The following BMP8A variants were observed in gnomAD, a reference collection of about 807,000 sequenced individuals.
The protein encoded by BMP8A is bone morphogenetic protein 8a, also known as BMP-8A.
Under a neutral mutation model 36.8 loss-of-function variants are expected in BMP8A, and 14 were observed. The ratio of observed to expected loss-of-function variants is 0.38; its 90% confidence interval spans 0.25 to 0.60. The LOEUF (loss-of-function observed/expected upper bound fraction) is 0.60, where lower values mean the gene tolerates loss of function less well. BMP8A is among the 20% of genes least tolerant of loss of function. The probability of loss-of-function intolerance (pLI) is 0.63; values close to 1 mark genes in which losing one functional copy is unlikely to be tolerated. For synonymous variants in BMP8A, 120 were observed against 237.7 expected (o/e 0.50, Z 4.55); for missense variants, 267 against 551.1 (o/e 0.48, Z 5.16).
chr1:39,525,726 C>T lies in BMP8A; in HGVS notation c.1137C>T (p.Tyr379=), dbSNP rs761837027. The T allele has an allele frequency of 3.9e-5, 63 of 1,614,210 alleles. No homozygotes were observed. The highest frequency in any genetic ancestry group is 5.3e-5 in the Non-Finnish European group (62 of 1,180,030). Residue 379 remains tyrosine, a synonymous_variant, in exon 7 of 7, where the codon TAC becomes TAT. Coordinates refer to ENST00000331593, the MANE Select transcript of BMP8A (RefSeq NM_181809.4). ...AGCTGAGCGCCACCTCTGTGCTCTA[C>T]TATGACAGCAGCAACAACGTCATCC... is the stretch of plus-strand genomic sequence containing the variant. ...PTKLSATSVL[Y]YDSSNNVILR... is the part of the protein sequence containing the mutation.
chr1:39,517,638 A>G (rs1484190727), intron 3 of BMP8A, among the ~76,000 whole-genome samples: 7 of 152,138 alleles, frequency 4.6e-5, no homozygotes, highest in African/African-American at 1.7e-4. Context: ...TTTATCCGTT[A>G]TCTGGTATTT....
intron 4 of BMP8A, 170 bp from the exon 5 acceptor site, chr1:39,522,233 G>C (rs1470147454): frequency 3.1e-6 from 2 of 650,260 alleles, no homozygotes; most frequent in Non-Finnish European, 5.1e-6. Flanking sequence ...TTTTGAGCTG[G>C]GTCATGGTAC....
intron 1 of BMP8A, among the ~76,000 whole-genome samples, chr1:39,499,527 G>A (rs1033464433): frequency 1.3e-5 from 2 of 152,242 alleles, no homozygotes; most frequent in African/African-American, 4.8e-5. Flanking sequence ...CACAAAAATA[G>A]CCAGAGCCCT....
chr1:39,516,133 G>A (rs1023809623), intron 3 of BMP8A: 2 of 630,694 alleles, frequency 3.2e-6, no homozygotes, highest in Admixed American at 4.3e-5. Flanking sequence ...TTGGAGCCAT[G>A]CAGGTTTCCA....
At chr1:39,500,035 A>G (rs1286195821) in intron 1 of BMP8A, among the ~76,000 whole-genome samples, 1 of 152,142 alleles carries the variant, frequency 6.6e-6, no homozygotes, top group African/African-American at 2.4e-5. Context: ...GAGAAACAGG[A>G]TTTCTTGGAG....
At chr1:39,500,160 C>T (rs1645241078) in intron 1 of BMP8A, among the ~76,000 whole-genome samples, 1 of 152,220 alleles carries the variant, frequency 6.6e-6, no homozygotes, top group African/African-American at 2.4e-5. Context: ...GCCTTTGTAT[C>T]CACTGTTCCC....
At position 39,525,709 on chromosome 1, in the gene BMP8A, G is replaced by T. The variant is rs374194162; in HGVS notation, c.1120G>T (p.Ala374Ser). 1 of 1,614,156 alleles carries T rather than the reference G, an allele frequency of 6.2e-7. No individual in the cohort carries two copies. The highest frequency in any genetic ancestry group is 1.1e-5 in the South Asian group (1 of 91,090). Residue 374 changes from alanine (A) to serine (S), a missense_variant, in exon 7 of 7, where the codon GCC becomes TCC. This residue lies in a region of BMP8A where 132 missense variants were observed against 151.3 expected (regional missense o/e 0.87). Coordinates refer to ENST00000331593, the MANE Select transcript of BMP8A (RefSeq NM_181809.4). Reference protein sequence around the residue: ...KACCAPTKLSATSVLYYDSSN... With the variant: ...KACCAPTKLSSTSVLYYDSSN... ...GTGCTGTGCACCCACCAAGCTGAGC[G>T]CCACCTCTGTGCTCTACTATGACAG...
At chr1:39,494,933 A>G (rs1286497595) in intron 1 of BMP8A, among the ~76,000 whole-genome samples, 1 of 146,576 alleles carries the variant, frequency 6.8e-6, no homozygotes, top group Non-Finnish European at 1.5e-5. Context: ...GCTGTCAGAA[A>G]GGCCTTCTTT....
rs770664429 is a variant in BMP8A at position 39,492,325 on chromosome 1, G to C, written c.334G>C (p.Val112Leu). The change falls in exon 1 of 7, where the codon GTG (valine) becomes CTG (leucine). Residue 112 changes from valine (V) to leucine (L), a missense_variant and splice_region_variant. This residue lies in a region of BMP8A where 37 missense variants were observed against 39.5 expected (regional missense o/e 0.94). Transcript: ENST00000331593. ...CCTGGTCATGAGCTTCGTCAACATG[G>C]GTGAGTGCGGCCGCCCGCGCGGGGA... ...ADLVMSFVNM[V>L]ERDRALGHQE... The C allele has an allele frequency of 1.7e-5, 26 of 1,552,994 alleles. No homozygotes were observed. Among genetic ancestry groups the C allele is most frequent in the Non-Finnish European group, 2.2e-5 (26 of 1,161,566 alleles).
At chr1:39,514,989 G>A (rs1388181369) in intron 3 of BMP8A, 4 of 1,529,430 alleles carry the variant, frequency 2.6e-6, no homozygotes, top group Non-Finnish European at 3.5e-6. Context: ...GTCAGTGCTC[G>A]GGCGCGGGGT....
intron 5 of BMP8A, 51 bp from the exon 6 acceptor site, chr1:39,522,956 G>A: frequency 1.3e-6 from 2 of 1,499,564 alleles, no homozygotes; most frequent in Non-Finnish European, 1.8e-6. Context: ...TGGGCCCTGA[G>A]GCTCAGGGAG....
At chr1:39,510,945 G>A (rs561439917) in intron 1 of BMP8A, among the ~76,000 whole-genome samples, 2 of 152,194 alleles carry the variant, frequency 1.3e-5, no homozygotes, top group Non-Finnish European at 2.9e-5. Flanking sequence ...CACCAGCCAG[G>A]TGCAGGGCTC....
intron 1 of BMP8A, among the ~76,000 whole-genome samples, chr1:39,494,864 G>A (rs783808): frequency 0.05 from 7,635 of 152,218 alleles, 542 homozygotes; most frequent in African/African-American, 0.16. Flanking sequence ...CTCCAGCGCC[G>A]TGGGATTAAC....
chr1:39,527,844 C>G lies in BMP8A; in HGVS notation c.*2046C>G, dbSNP rs1306708964. On this transcript the variant is annotated 3_prime_UTR_variant, in exon 7 of 7. Coordinates refer to ENST00000331593, the MANE Select transcript of BMP8A (RefSeq NM_181809.4). The stretch of plus-strand genomic sequence containing the variant: ...CAGTTTCTCATCTGCAACATGAGGA[C>G]ATAGGACTCTTTAATTCCAAAGGCT... Among the ~76,000 whole-genome samples the G allele has an allele frequency of 6.6e-6, 1 of 152,216 alleles. No individual in the cohort carries two copies. The highest frequency in any genetic ancestry group is 1.5e-5 in the Non-Finnish European group (1 of 68,050).
rs939833056 is a variant in BMP8A, at chr1:39,526,095, A to G, written c.*297A>G. 1.3e-5 allele frequency among the ~76,000 whole-genome samples: 2 copies of G among 152,056 alleles called. No individual in the cohort carries two copies. Among genetic ancestry groups the G allele is most frequent in the African/African-American group, 4.8e-5 (2 of 41,408 alleles). ...GAAGTCCTATCTTAGGACCTGTCAG[A>G]CTGTGGCTGGCCCCGGATGGTCTGA... On this transcript the variant is annotated 3_prime_UTR_variant, in exon 7 of 7. Coordinates refer to ENST00000331593, the MANE Select transcript of BMP8A (RefSeq NM_181809.4).
At chr1:39,497,410 T>A (rs1645214706) in intron 1 of BMP8A, among the ~76,000 whole-genome samples, 2 of 152,194 alleles carry the variant, frequency 1.3e-5, no homozygotes, top group Admixed American at 1.3e-4. Context: ...ACTTCACAAA[T>A]GGGGGCTGAT....
intron 1 of BMP8A, among the ~76,000 whole-genome samples, chr1:39,497,354 G>C (rs1366874188): frequency 6.6e-6 from 1 of 152,164 alleles, no homozygotes; most frequent in Non-Finnish European, 1.5e-5. Context: ...CCAGCCTCCC[G>C]GGGTTGCATG....
At chr1:39,510,003 C>T (rs1042837000) in intron 1 of BMP8A, among the ~76,000 whole-genome samples, 1 of 151,596 alleles carries the variant, frequency 6.6e-6, no homozygotes, top group African/African-American at 2.4e-5. Flanking sequence ...ATTGGCAGGC[C>T]AGCCCCTGCC....
rs779262942 is a variant in BMP8A at position 39,522,442 on chromosome 1, G to A, written c.908G>A (p.Arg303Gln). The part of the protein sequence containing the change: ...RGSHGRQVCR[R>Q]HELYVSFQDL... ...TCCCACGGCCGGCAGGTCTGCCGTC[G>A]GCACGAGCTCTACGTCAGCTTCCAG... Residue 303 changes from arginine to glutamine, a missense_variant, in exon 5 of 7, where the codon CGG becomes CAG. Coordinates refer to ENST00000331593, the MANE Select transcript of BMP8A (RefSeq NM_181809.4). 7 of 1,613,230 alleles carry A rather than the reference G, an allele frequency of 4.3e-6. No individual in the cohort carries two copies. The highest frequency in any genetic ancestry group is 4.2e-6 in the Non-Finnish European group (5 of 1,179,714).
Sources: gnomAD v4.1 joint callset for allele counts (sites outside exome capture counted in the v4.1 genomes callset) on GRCh38, gnomAD v4.1.1 for gene constraint, gnomAD v4.1.1 regional missense constraint, MANE v1.5 for transcripts, NCBI Gene and HGNC (gene_info 2026-07-23, HGNC 2026-07-21) for gene names.